The following C4orf51 variants were observed in gnomAD, a reference collection of about 807,000 sequenced individuals.
C4orf51 encodes chromosome 4 open reading frame 51, also known as uncharacterized protein C4orf51.
Under a neutral mutation model 25.2 loss-of-function variants are expected in C4orf51, and 25 were observed. The observed-to-expected ratio is 0.99, with a 90% confidence interval of 0.72 to 1.39. C4orf51 has a LOEUF of 1.39. Ranked by LOEUF, C4orf51 falls within the 40% of genes most tolerant of loss-of-function variation. The pLI, the probability that C4orf51 is intolerant of heterozygous loss-of-function variation, is 0.00. For synonymous variants in C4orf51, 100 were observed against 84.5 expected, an observed-to-expected ratio of 1.18 and a Z score of -1.01; for missense variants, 252 against 239.6, an observed-to-expected ratio of 1.05 and a Z score of -0.34.
intron 2 of C4orf51, among the ~76,000 whole-genome samples, chr4:145,708,263 A>G (rs1462902491): frequency 1.3e-5 from 2 of 152,224 alleles, no homozygotes; most frequent in African/African-American, 4.8e-5. Flanking sequence ...CCTCCTGCAC[A>G]GTGGCACTAG....
downstream of C4orf51, among the ~76,000 whole-genome samples, chr4:145,755,991 G>A (rs570363624): frequency 1.3e-5 from 2 of 152,152 alleles, no homozygotes; most frequent in Non-Finnish European, 2.9e-5. Flanking sequence ...GCTGCTACCC[G>A]CTTCCATCTC....
intron 2 of C4orf51, among the ~76,000 whole-genome samples, chr4:145,706,851 G>T (rs1049658376): frequency 7.1e-6 from 1 of 140,958 alleles, no homozygotes; most frequent in Admixed American, 7.6e-5. Flanking sequence ...CCCTCTTGTC[G>T]CCCAGGCTAG....
rs764877432 is a variant in C4orf51 at position 145,765,556 on chromosome 4, G to T, written n.167-5432G>T. 2 of 1,612,308 alleles carry T rather than the reference G, an allele frequency of 1.2e-6. No homozygotes were observed. Among genetic ancestry groups the T allele is most frequent in the Non-Finnish European group, 1.7e-6 (2 of 1,179,108 alleles). ...CCCACCTCCTCCTTACCTTTCTCTG[G>T]CTTTTCCTCACTGTTCAGTGAGGGC... On this transcript the variant is annotated intron_variant and non_coding_transcript_variant, in intron 1 of 1. Transcript: ENST00000510096. This position sits in a 1 kb window ranked among gnomAD's most constrained non-coding sequence, Gnocchi z 4.7.
intron 2 of C4orf51, among the ~76,000 whole-genome samples, chr4:145,724,060 C>T (rs543111885): frequency 6.6e-6 from 1 of 152,128 alleles, no homozygotes; most frequent in Admixed American, 6.6e-5. Flanking sequence ...AATTCTAATG[C>T]CTGGTTTTTT....
rs1160320096 is a variant in C4orf51, at chr4:145,682,973, T to A, written c.233+2537T>A. ...TTTGTTTGCAGATGACATTATCATC[T>A]ACATAGAAAATCTGAAAGAATCAGC... On this transcript the variant is annotated intron_variant, in intron 1 of 5. Coordinates refer to ENST00000438731, the MANE Select transcript of C4orf51 (RefSeq NM_001080531.3). 3.9e-5 allele frequency among the ~76,000 whole-genome samples: 6 copies of A among 152,086 alleles called. No homozygotes were observed. In the East Asian group the frequency reaches 1.2e-3, roughly 29 times the overall value.
At chr4:145,709,097 G>A (rs1221620052) in intron 2 of C4orf51, among the ~76,000 whole-genome samples, 4 of 152,198 alleles carry the variant, frequency 2.6e-5, no homozygotes, top group African/African-American at 9.7e-5. Context: ...TTGGATTCTA[G>A]AGGGAAAGGT....
chr4:145,789,619 G>A, the C4orf51 span, among the ~76,000 whole-genome samples: 1 of 152,166 alleles, frequency 6.6e-6, no homozygotes, highest in Non-Finnish European at 1.5e-5. Context: ...TCACCTAGCT[G>A]GTAAGTGATA....
At chr4:145,753,141 TGTGTGTG>T (rs1733770863) in intron 1 of C4orf51, among the ~76,000 whole-genome samples, 2 of 2,930 alleles carry the variant, frequency 6.8e-4, no homozygotes, top group South Asian at 0.018. Context: ...ATGAAGGTTT[TGTGTGTG>T]TGTGTGTGTG....
At position 145,740,753 on chromosome 4, in the gene C4orf51, T is replaced by G. The variant is rs116324331; in HGVS notation, n.167+8134T>G. On this transcript the variant is annotated intron_variant and non_coding_transcript_variant, in intron 1 of 1. Transcript: ENST00000508981. ...GCGACACATGCTCTGCCTCTCAAAG[T>G]GTGGTCTGCAAGGCTTTGCCAGATG... 6.7e-3 allele frequency among the ~76,000 whole-genome samples: 1,024 copies of G among 152,290 alleles called. 10 individuals are homozygous for G. The highest frequency in any genetic ancestry group is 0.023 in the African/African-American group (958 of 41,544).
At chr4:145,683,312 C>A (rs1269052662) in intron 1 of C4orf51, among the ~76,000 whole-genome samples, 1 of 152,158 alleles carries the variant, frequency 6.6e-6, no homozygotes. Context: ...TGAACATTAT[C>A]AAGATGTCAG....
chr4:145,720,180 C>G (rs557283822), intron 2 of C4orf51, among the ~76,000 whole-genome samples: 35 of 152,230 alleles, frequency 2.3e-4, no homozygotes, highest in Middle Eastern at 6.8e-3. Context: ...GAAAGGCACT[C>G]TACACTGGCC....
the C4orf51 span, among the ~76,000 whole-genome samples, chr4:145,784,660 A>T: frequency 6.6e-6 from 1 of 152,266 alleles, no homozygotes; most frequent in Non-Finnish European, 1.5e-5. Context: ...AAAAGTGCAC[A>T]TATCAATAAC....
intron 1 of C4orf51, among the ~76,000 whole-genome samples, chr4:145,691,915 T>A (rs1560822344): frequency 6.6e-6 from 1 of 151,264 alleles, no homozygotes; most frequent in Non-Finnish European, 1.5e-5. Context: ...CCCTTGAGTC[T>A]AAAAAAAAAG....
intron 1 of C4orf51, chr4:145,760,895 G>A: frequency 8.1e-7 from 1 of 1,230,238 alleles, no homozygotes. Flanking sequence ...AGATCCAAGT[G>A]GTTCTTGGGG....
chr4:145,732,850 G>A (rs556276480), downstream of C4orf51: 1 of 217,800 alleles, frequency 4.6e-6, no homozygotes, highest in Admixed American at 5.8e-5. Context: ...CTGCGGCCCC[G>A]ACCGTCGGGG....
downstream of C4orf51, among the ~76,000 whole-genome samples, chr4:145,775,072 A>G (rs1736843184): frequency 6.6e-6 from 1 of 151,822 alleles, no homozygotes; most frequent in African/African-American, 2.4e-5. Context: ...TAGTCCAGGA[A>G]CCTCTCTCTG....
chr4:145,765,172 G>A lies in C4orf51; in HGVS notation n.167-5816G>A. ...CAAAAAACACATTCGAACCCTGCAA[G>A]GACCGAAGCTGGGTATAGAGGTGCA... On this transcript the variant is annotated intron_variant and non_coding_transcript_variant, in intron 1 of 1. Transcript: ENST00000510096. The surrounding 1 kb of genome is among the most constrained non-coding windows in gnomAD (Gnocchi z 4.7). 2 of 1,597,388 alleles carry A rather than the reference G, an allele frequency of 1.3e-6. No homozygotes were observed. The highest frequency in any genetic ancestry group is 2.3e-5 in the South Asian group (2 of 86,880).
In C4orf51 at chr4:145,752,044, C is replaced by T. The variant is rs140804712; in HGVS notation, n.168-2163C>T. On this transcript the variant is annotated intron_variant and non_coding_transcript_variant, in intron 1 of 1. Transcript: ENST00000508981. ...CTGGCCTGGGACTCACCTGTCAGGG[C>T]AGTGGGCTCCCCTTTGGCCCAGGGC... Among the ~76,000 whole-genome samples the T allele has an allele frequency of 7.9e-5, 12 of 152,304 alleles. No homozygotes were observed. In the East Asian group the frequency reaches 1.9e-3, roughly 24 times the overall value.
chr4:145,688,327 C>T (rs1729307028), intron 1 of C4orf51, among the ~76,000 whole-genome samples: 2 of 151,828 alleles, frequency 1.3e-5, no homozygotes, highest in Non-Finnish European at 1.5e-5. Flanking sequence ...AAAATAGAGG[C>T]AATCTAAAAG....
Sources: allele counts gnomAD v4.1 joint callset (sites outside exome capture counted in the v4.1 genomes callset), GRCh38; gene constraint gnomAD v4.1.1; non-coding constraint Gnocchi (gnomAD v3.1); transcripts MANE v1.5; gene names NCBI Gene and HGNC (gene_info 2026-07-23, HGNC 2026-07-21).